Variants in GLI3 observed in about 807,000 individuals in gnomAD.
The protein encoded by GLI3 is transcription activator GLI3.
In GLI3, 20 loss-of-function variants were observed where a neutral mutation model predicts 100.8. That is an observed-to-expected ratio of 0.20 (90% CI 0.14 to 0.29). The LOEUF (loss-of-function observed/expected upper bound fraction) is 0.29, where lower values mean the gene tolerates loss of function less well. Among genes scored for constraint, GLI3 ranks in the 10% least tolerant of loss-of-function variants. GLI3 has a pLI of 1.00. For missense variants in GLI3, 2,040 were observed against 2,128.5 expected, an observed-to-expected ratio of 0.96 and a Z score of 0.82; for synonymous variants, 938 against 860.5, an observed-to-expected ratio of 1.09 and a Z score of -1.58.
At chr7:42,158,502 T>C (rs940325738) in intron 2 of GLI3, among the ~76,000 whole-genome samples, 5 of 152,068 alleles carry the variant, frequency 3.3e-5, no homozygotes, top group African/African-American at 4.8e-5. Context: ...TATTTTTTTT[T>C]TTTTGGGATG....
In GLI3 at chr7:42,026,427, TAA is replaced by T. The variant is rs559579130; in HGVS notation, c.1029-17_1029-16del. 4 of 1,602,440 alleles carry T rather than the reference TAA, an allele frequency of 2.5e-6. No individual in the cohort carries two copies. In the East Asian group the frequency reaches 8.9e-5, roughly 36 times the overall value. On this transcript the variant is annotated splice_polypyrimidine_tract_variant and intron_variant, in intron 7 of 14. Transcript: ENST00000395925. ...TCAAGGCAGGGCTGCACGGGGGAGA[TAA>T]AAAAAGACGATCATCACTTAAACGC...
At chr7:42,149,245 A>G (rs898616157) in intron 2 of GLI3, among the ~76,000 whole-genome samples, 4 of 152,172 alleles carry the variant, frequency 2.6e-5, no homozygotes, top group African/African-American at 9.7e-5. Context: ...GGTGTGGGGG[A>G]TGTTGATATG....
chr7:42,061,433 A>C (rs966174694), intron 4 of GLI3, among the ~76,000 whole-genome samples: 2 of 152,078 alleles, frequency 1.3e-5, no homozygotes, highest in Admixed American at 6.6e-5. Context: ...TCTCACTCCT[A>C]CTTCCCCTGA....
intron 3 of GLI3, among the ~76,000 whole-genome samples, chr7:42,092,010 G>T (rs1318519779): frequency 6.6e-6 from 1 of 152,240 alleles, no homozygotes; most frequent in Non-Finnish European, 1.5e-5. Flanking sequence ...GAAACCCTCT[G>T]CCTGGGAAGC....
At chr7:42,251,871 A>G (rs7782486) in intron 1 of GLI3, among the ~76,000 whole-genome samples, 76,129 of 151,584 alleles carry the variant, frequency 0.5, 19,324 homozygotes, top group East Asian at 0.69. Flanking sequence ...GCGTGTTCAG[A>G]AGTAATGGCA....
At chr7:42,107,718 G>A (rs1262842646) in intron 3 of GLI3, among the ~76,000 whole-genome samples, 1 of 152,162 alleles carries the variant, frequency 6.6e-6, no homozygotes, top group Non-Finnish European at 1.5e-5. Flanking sequence ...GCCAGAGGGT[G>A]GAGAAAGGCT....
chr7:42,124,402 C>T (rs1177874198), intron 3 of GLI3, among the ~76,000 whole-genome samples: 2 of 152,162 alleles, frequency 1.3e-5, no homozygotes, highest in African/African-American at 2.4e-5. Context: ...AGTTATGGTA[C>T]TCGTTTTAAT....
At chr7:42,222,524 T>C (rs924126201) in intron 2 of GLI3, among the ~76,000 whole-genome samples, 6 of 152,230 alleles carry the variant, frequency 3.9e-5, no homozygotes, top group African/African-American at 1.2e-4. Flanking sequence ...GAAATGCCTC[T>C]CAACACTTTG....
intron 10 of GLI3, among the ~76,000 whole-genome samples, chr7:42,000,141 G>C (rs1477536857): frequency 6.6e-6 from 1 of 152,192 alleles, no homozygotes; most frequent in Non-Finnish European, 1.5e-5. Flanking sequence ...ATCTTAGAAG[G>C]GGATGGAGAA....
intron 3 of GLI3, among the ~76,000 whole-genome samples, chr7:42,112,637 T>C (rs953867241): frequency 6.6e-6 from 1 of 152,170 alleles, no homozygotes; most frequent in Non-Finnish European, 1.5e-5. Flanking sequence ...TAAAATTTTT[T>C]AAATTAAATA....
chr7:42,152,426 C>T (rs1387204884), intron 2 of GLI3: 1 of 985,324 alleles, frequency 1.0e-6, no homozygotes, highest in Non-Finnish European at 1.2e-6. Context: ...CTGCGCAGAC[C>T]CTCTAGGAAC....
At chr7:42,251,281 C>T (rs1789028858) in intron 1 of GLI3, among the ~76,000 whole-genome samples, 1 of 152,172 alleles carries the variant, frequency 6.6e-6, no homozygotes, top group African/African-American at 2.4e-5. Flanking sequence ...AAACTTTCTA[C>T]CTCAGATCAT....
At chr7:42,061,801 T>G (rs1259185654) in intron 4 of GLI3, among the ~76,000 whole-genome samples, 4 of 152,200 alleles carry the variant, frequency 2.6e-5, no homozygotes, top group Admixed American at 2.6e-4. Context: ...TTTGTCTATA[T>G]TATTCAACAG....
intron 2 of GLI3, among the ~76,000 whole-genome samples, chr7:42,209,374 A>G (rs1360679659): frequency 6.6e-6 from 1 of 152,180 alleles, no homozygotes; most frequent in Admixed American, 6.5e-5. Flanking sequence ...TTGACTCAAC[A>G]ATGTGATAGT....
chr7:42,015,902 G>T (rs1383247424), intron 10 of GLI3, among the ~76,000 whole-genome samples: 3 of 151,938 alleles, frequency 2.0e-5, no homozygotes, highest in African/African-American at 7.3e-5. Context: ...TTTCTTACGT[G>T]TGTTTTTCTT....
At chr7:41,981,882 C>T (rs1487458898) in intron 10 of GLI3, among the ~76,000 whole-genome samples, 1 of 152,100 alleles carries the variant, frequency 6.6e-6, no homozygotes, top group East Asian at 1.9e-4. Flanking sequence ...CTATTTATAC[C>T]GCACCCAGCT....
intron 12 of GLI3, among the ~76,000 whole-genome samples, chr7:41,975,698 C>G (rs1787489116): frequency 1.3e-5 from 2 of 152,154 alleles, no homozygotes; most frequent in Non-Finnish European, 2.9e-5. Context: ...TTAAAGCAAA[C>G]AGACATGTAC....
intron 2 of GLI3, among the ~76,000 whole-genome samples, chr7:42,170,296 A>G (rs1475050114): frequency 6.7e-6 from 1 of 148,258 alleles, no homozygotes; most frequent in Non-Finnish European, 1.5e-5. Context: ...ATACACACAC[A>G]TATGTATATA....
intron 6 of GLI3, among the ~76,000 whole-genome samples, chr7:42,044,154 A>G (rs532045604): frequency 2.6e-5 from 4 of 152,206 alleles, no homozygotes; most frequent in Non-Finnish European, 5.9e-5. Context: ...CTCAGGACTA[A>G]ATAACTAGAG....
Sources: allele counts gnomAD v4.1 joint callset (sites outside exome capture counted in the v4.1 genomes callset), GRCh38; gene constraint gnomAD v4.1.1; transcripts MANE v1.5; gene names NCBI Gene and HGNC (gene_info 2026-07-23, HGNC 2026-07-21).